Variants in LARGE1 observed in about 807,000 individuals in gnomAD.
LARGE1 encodes xylosyl- and glucuronyltransferase LARGE1.
In LARGE1, 43 loss-of-function variants were observed where a neutral mutation model predicts 87.6. The ratio of observed to expected loss-of-function variants is 0.49; its 90% confidence interval spans 0.38 to 0.63. LARGE1 has a LOEUF of 0.63. Among genes scored for constraint, LARGE1 ranks in the 30% least tolerant of loss-of-function variants. LARGE1 has a pLI of 0.00. For missense variants in LARGE1, 802 were observed against 1,000.2 expected (o/e 0.80, Z 2.67); for synonymous variants, 434 against 394.6 (o/e 1.10, Z -1.18).
At chr22:33,669,442 T>C (rs774193925) in intron 2 of LARGE1, among the ~76,000 whole-genome samples, 6 of 152,202 alleles carry the variant, frequency 3.9e-5, no homozygotes, top group East Asian at 1.9e-4. Context: ...CCTCCTATTA[T>C]AGGGATAAGG....
rs1277385289 is a variant in LARGE1 at position 33,337,672 on chromosome 22, TG to T, written c.1260del (p.Ser421ValfsTer104). 1 of 1,613,952 alleles carries T rather than the reference TG, an allele frequency of 6.2e-7. No homozygotes were observed. The highest frequency in any genetic ancestry group is 8.5e-7 in the Non-Finnish European group (1 of 1,180,014). ...TTTTCACTGTTGACATCAGCCTCAC[TG>T]GGGCAGCCAAACAGTTCCCGCCTCA... is the stretch of plus-strand genomic sequence containing the variant. ...NLLRRELFGC[P>X]SEADVNSENL... On this transcript the variant is annotated frameshift_variant, in exon 10 of 15. Transcript: ENST00000397394. LOFTEE classifies it high-confidence loss of function.
chr22:33,521,326 A>C (rs11089625), intron 6 of LARGE1, among the ~76,000 whole-genome samples: 1 of 152,300 alleles, frequency 6.6e-6, no homozygotes, highest in Non-Finnish European at 1.5e-5. Context: ...CTCTGCAGCC[A>C]TAAGTACAGC....
chr22:33,674,835 T>C (rs4821173), intron 2 of LARGE1, among the ~76,000 whole-genome samples: 78,339 of 151,978 alleles, frequency 0.52, 20,600 homozygotes, highest in African/African-American at 0.62. Context: ...TGCAGTGATA[T>C]CACAATCTAT....
chr22:33,452,781 C>T (rs2067987418), intron 6 of LARGE1, among the ~76,000 whole-genome samples: 1 of 152,200 alleles, frequency 6.6e-6, no homozygotes, highest in Non-Finnish European at 1.5e-5. Context: ...AAATACGACC[C>T]CTTGAAAACA....
chr22:33,680,094 T>G (rs530833259), intron 2 of LARGE1, among the ~76,000 whole-genome samples: 2 of 152,354 alleles, frequency 1.3e-5, no homozygotes, highest in East Asian at 3.9e-4. Context: ...GGCCCTGATT[T>G]GTTCCACTCA....
At chr22:33,748,171 C>T (rs529294695) in intron 2 of LARGE1, among the ~76,000 whole-genome samples, 4 of 140,594 alleles carry the variant, frequency 2.8e-5, no homozygotes, top group South Asian at 2.3e-4. Flanking sequence ...CTCAGTCTGT[C>T]GCCAGGCTGA....
At chr22:33,214,679 C>T (rs1433246782) in intron 11 of LARGE1, among the ~76,000 whole-genome samples, 1 of 152,168 alleles carries the variant, frequency 6.6e-6, no homozygotes, top group Non-Finnish European at 1.5e-5. Flanking sequence ...CTCATACCTA[C>T]TTGGCTGAGA....
chr22:33,656,206 A>C (rs1156426470), intron 2 of LARGE1, among the ~76,000 whole-genome samples: 1 of 152,192 alleles, frequency 6.6e-6, no homozygotes, highest in Non-Finnish European at 1.5e-5. Context: ...AAGAGGTTTA[A>C]TGGACTCACA....
chr22:33,204,213 G>A (rs1411758533), intron 11 of LARGE1, among the ~76,000 whole-genome samples: 1 of 152,114 alleles, frequency 6.6e-6, no homozygotes, highest in Non-Finnish European at 1.5e-5. Context: ...GCTGGAGAGG[G>A]CTGAAAACGG....
chr22:33,542,325 A>C (rs1232437302), intron 6 of LARGE1, among the ~76,000 whole-genome samples: 1 of 151,914 alleles, frequency 6.6e-6, no homozygotes, highest in East Asian at 1.9e-4. Flanking sequence ...TCATTAGTTG[A>C]ACTCTCATGG....
intron 1 of LARGE1, among the ~76,000 whole-genome samples, chr22:33,876,803 C>A (rs1204925549): frequency 1.3e-5 from 2 of 149,566 alleles, no homozygotes; most frequent in African/African-American, 4.9e-5. Flanking sequence ...ACATGTATCT[C>A]AAAACTTAAA....
intron 11 of LARGE1, among the ~76,000 whole-genome samples, chr22:33,186,120 C>T (rs137390): frequency 0.6 from 91,010 of 151,928 alleles, 27,508 homozygotes; most frequent in Middle Eastern, 0.66. Context: ...AAAAATCAAT[C>T]GCACACAAAT....
chr22:33,856,334 G>A (rs895177974), intron 1 of LARGE1, among the ~76,000 whole-genome samples: 1 of 152,130 alleles, frequency 6.6e-6, no homozygotes, highest in African/African-American at 2.4e-5. Flanking sequence ...TGGGTGGGTG[G>A]GTGGTGGGTC....
rs562590714 is a variant in LARGE1 at position 33,529,574 on chromosome 22, T to C, written c.787+35274A>G. Among the ~76,000 whole-genome samples, 4 of 152,300 alleles carry C rather than the reference T, an allele frequency of 2.6e-5. No individual in the cohort carries two copies. In the South Asian group the frequency reaches 6.2e-4, roughly 24 times the overall value. On this transcript the variant is annotated intron_variant, in intron 6 of 14. Coordinates refer to ENST00000397394, the MANE Select transcript of LARGE1 (RefSeq NM_133642.5). ...ATGACGAGGCTCACAGCCTGCCAAA[T>C]AGGCCAGTGAACTTAGGTGAATCAC...
intron 2 of LARGE1, among the ~76,000 whole-genome samples, chr22:33,686,036 T>G (rs1186102677): frequency 6.6e-6 from 1 of 152,228 alleles, no homozygotes; most frequent in Non-Finnish European, 1.5e-5. Flanking sequence ...TCGACTCATC[T>G]ATCTATACAG....
At chr22:33,082,209 G>A in the LARGE1 span, among the ~76,000 whole-genome samples, 6 of 151,942 alleles carry the variant, frequency 3.9e-5, no homozygotes, top group African/African-American at 1.5e-4. Context: ...TTATAATGTC[G>A]GCCTTTATTA....
chr22:33,422,731 G>A (rs1036690490), intron 7 of LARGE1, among the ~76,000 whole-genome samples: 8 of 151,882 alleles, frequency 5.3e-5, no homozygotes, highest in Admixed American at 4.6e-4. Context: ...GGCTGGTCTC[G>A]AACTCCTGAC....
intron 7 of LARGE1, among the ~76,000 whole-genome samples, chr22:33,409,860 CAAAAAA>C (rs35645500): frequency 1.6e-5 from 1 of 63,100 alleles, no homozygotes; most frequent in African/African-American, 5.9e-5. Flanking sequence ...GACTCCATCT[CAAAAAA>C]AAAAAAAAAA....
rs368954999 is a variant in LARGE1, at chr22:33,899,358, G to A, written c.-83+20637C>T. The stretch of plus-strand genomic sequence containing the variant: ...AACGGATCATCAAAGCCTGTTGAGC[G>A]GCCTCTTGGGAGTAGAATAGAGGAT... On this transcript the variant is annotated intron_variant, in intron 1 of 14. Transcript: ENST00000397394. Among the ~76,000 whole-genome samples, 11 of 152,260 alleles carry A rather than the reference G, an allele frequency of 7.2e-5. No individual in the cohort carries two copies. The East Asian group carries it at 1.7e-3, about 24-fold the overall frequency.
Sources: allele counts gnomAD v4.1 joint callset (sites outside exome capture counted in the v4.1 genomes callset), GRCh38; gene constraint gnomAD v4.1.1; transcripts MANE v1.5; gene names NCBI Gene and HGNC (gene_info 2026-07-23, HGNC 2026-07-21).